The following UBASH3B variants were observed in gnomAD, a reference collection of about 807,000 sequenced individuals.
UBASH3B encodes ubiquitin associated and SH3 domain containing B, also known as ubiquitin-associated and SH3 domain-containing protein B.
A neutral mutation model predicts 83.4 loss-of-function variants in UBASH3B; 37 were observed. The observed-to-expected ratio is 0.44, with a 90% CI of 0.34 to 0.58. The LOEUF (loss-of-function observed/expected upper bound fraction) is 0.58. UBASH3B is among the 20% of genes least tolerant of loss of function. UBASH3B has a pLI of 0.01. For missense variants in UBASH3B, 657 were observed against 827.2 expected (o/e 0.79, Z 2.52); for synonymous variants, 304 against 318.3 (o/e 0.96, Z 0.48).
Position 122,806,410 on chromosome 11 carries a change from A to G in UBASH3B, c.1596A>G (p.Arg532=), listed in dbSNP as rs745990280. The G allele has an allele frequency of 6.3e-7, 1 of 1,599,956 alleles. No homozygotes were observed. The highest frequency in any genetic ancestry group is 1.8e-5 in the Admixed American group (1 of 56,286). The part of the protein sequence containing the change: ...AANLSVDTTY[R]PHIPISKLVV... The stretch of plus-strand genomic sequence containing the variant: ...TCCTTTGTTCATTTTTCTATTACAG[A>G]CCTCACATTCCAATCAGCAAATTAG... The change falls in exon 12 of 14, where the codon AGA becomes AGG. Residue 532 remains arginine, a splice_region_variant and synonymous_variant. Coordinates refer to ENST00000284273, the MANE Select transcript of UBASH3B (RefSeq NM_032873.5). This position sits in a 1 kb window ranked among gnomAD's most constrained non-coding sequence, Gnocchi z 4.0.
intron 1 of UBASH3B, among the ~76,000 whole-genome samples, chr11:122,724,515 T>C (rs1372783348): frequency 6.6e-6 from 1 of 152,142 alleles, no homozygotes; most frequent in Non-Finnish European, 1.5e-5. Context: ...AAGTTGCTGT[T>C]GACATAGGGA....
In UBASH3B at chr11:122,759,580, A is replaced by G. The variant is rs1444954761; in HGVS notation, c.162-16639A>G. On this transcript the variant is annotated intron_variant, in intron 1 of 13. Coordinates refer to ENST00000284273, the MANE Select transcript of UBASH3B (RefSeq NM_032873.5). This position sits in a 1 kb window ranked among gnomAD's most constrained non-coding sequence, Gnocchi z 4.1. Reference sequence around the variant, plus strand: ...ACTAGGTGGGACCGTCTAGTTGGAGACCCCTGACTTAGTTGGGACCATCTG... The same window carrying G: ...ACTAGGTGGGACCGTCTAGTTGGAGGCCCCTGACTTAGTTGGGACCATCTG... 6.6e-6 allele frequency among the ~76,000 whole-genome samples: 1 copy of G among 152,152 alleles called. No homozygotes were observed. Among genetic ancestry groups the G allele is most frequent in the African/African-American group, 2.4e-5 (1 of 41,434 alleles).
Position 122,764,191 on chromosome 11 carries a change from C to T in UBASH3B, c.162-12028C>T, listed in dbSNP as rs539728276. Reference sequence around the variant, plus strand: ...TAATATCCATGAGAAGAGGAAAAATCCTTCAAAAGTCATGGATGGTCTAAA... The same window carrying T: ...TAATATCCATGAGAAGAGGAAAAATTCTTCAAAAGTCATGGATGGTCTAAA... On this transcript the variant is annotated intron_variant, in intron 1 of 13. Coordinates refer to ENST00000284273, the MANE Select transcript of UBASH3B (RefSeq NM_032873.5). Among the ~76,000 whole-genome samples, 30 of 152,288 alleles carry T rather than the reference C, an allele frequency of 2.0e-4. No individual in the cohort carries two copies. The South Asian group carries it at 6.2e-3, about 32-fold the overall frequency.
rs1861350117 is a variant in UBASH3B at position 122,806,865 on chromosome 11, C to T, written c.1702+349C>T. Among the ~76,000 whole-genome samples, 3 of 152,192 alleles carry T rather than the reference C, an allele frequency of 2.0e-5. No homozygotes were observed. The highest frequency in any genetic ancestry group is 4.1e-4 in the South Asian group (2 of 4,834). On this transcript the variant is annotated intron_variant, in intron 12 of 13. Transcript: ENST00000284273. This position sits in a 1 kb window ranked among gnomAD's most constrained non-coding sequence, Gnocchi z 4.0. ...ATGCAGCGGCATGCACACCTACACA[C>T]AGCACACCTACACAAACACATACAC...
chr11:122,766,458 T>C (rs1237984174), intron 1 of UBASH3B, among the ~76,000 whole-genome samples: 1 of 152,156 alleles, frequency 6.6e-6, no homozygotes, highest in Non-Finnish European at 1.5e-5. Context: ...GGCAGGAGAA[T>C]GGCGTGAACC....
At chr11:122,657,073 G>C (rs992305415) in intron 1 of UBASH3B, among the ~76,000 whole-genome samples, 4 of 152,190 alleles carry the variant, frequency 2.6e-5, no homozygotes, top group Non-Finnish European at 2.9e-5. Context: ...AGGAAGCCAA[G>C]GCCCAGCGGC....
intron 1 of UBASH3B, among the ~76,000 whole-genome samples, chr11:122,706,807 A>T (rs545329208): frequency 6.6e-6 from 1 of 152,224 alleles, no homozygotes; most frequent in Admixed American, 6.5e-5. Context: ...GTAGATTAAC[A>T]TGTTTATATG....
At chr11:122,722,229 C>T (rs1156312165) in intron 1 of UBASH3B, among the ~76,000 whole-genome samples, 1 of 152,210 alleles carries the variant, frequency 6.6e-6, no homozygotes, top group Non-Finnish European at 1.5e-5. Flanking sequence ...GGACCTAGAG[C>T]TCCGCCCTCA....
At chr11:122,704,354 G>T (rs1214473183) in intron 1 of UBASH3B, among the ~76,000 whole-genome samples, 2 of 152,144 alleles carry the variant, frequency 1.3e-5, no homozygotes. Flanking sequence ...AGGCTACGCG[G>T]GTCAGCCGTG....
intron 1 of UBASH3B, among the ~76,000 whole-genome samples, chr11:122,690,067 A>C (rs2135917975): frequency 6.6e-6 from 1 of 150,878 alleles, no homozygotes; most frequent in African/African-American, 2.4e-5. Context: ...CTTCTGACCC[A>C]CAGTCAGAGG....
chr11:122,675,353 G>T (rs1863653906), intron 1 of UBASH3B, among the ~76,000 whole-genome samples: 1 of 152,228 alleles, frequency 6.6e-6, no homozygotes, highest in African/African-American at 2.4e-5. Flanking sequence ...TGTTGGTTCT[G>T]TTCCTCCGTG....
At chr11:122,708,414 C>A (rs1362725544) in intron 1 of UBASH3B, among the ~76,000 whole-genome samples, 1 of 151,576 alleles carries the variant, frequency 6.6e-6, no homozygotes, top group Non-Finnish European at 1.5e-5. Flanking sequence ...GCCTCAGCCT[C>A]CCGAGTAGCT....
chr11:122,806,156 C>T lies in UBASH3B; in HGVS notation c.1596-254C>T, dbSNP rs770676705. 6.6e-6 allele frequency among the ~76,000 whole-genome samples: 1 copy of T among 152,182 alleles called. No homozygotes were observed. Among genetic ancestry groups the T allele is most frequent in the Non-Finnish European group, 1.5e-5 (1 of 68,034 alleles). On this transcript the variant is annotated intron_variant, in intron 11 of 13. Transcript: ENST00000284273. This position sits in a 1 kb window ranked among gnomAD's most constrained non-coding sequence, Gnocchi z 4.0. ...CTTATTTGTTATCCCGAGAGTGAAA[C>T]ATGCACTGAATGTCTCATTTTTCAC...
In UBASH3B at chr11:122,808,070, A is replaced by G. The variant is rs35343548; in HGVS notation, c.1706A>G (p.Asn569Ser). ...EIISECKSKG[N>S]NILIVAHASS... ...ATACCTTGCCATTTTCCCCCAGGAA[A>G]TAACATCCTGATTGTGGCCCACGCA... is the stretch of plus-strand genomic sequence containing the variant. The change falls in exon 13 of 14, where the codon AAT becomes AGT. Residue 569 changes from asparagine (N) to serine (S), a missense_variant. Coordinates refer to ENST00000284273, the MANE Select transcript of UBASH3B (RefSeq NM_032873.5). 8.5e-4 allele frequency: 1,373 copies of G among 1,613,522 alleles called. 11 individuals are homozygous for G. The African/African-American group carries it at 0.017, about 20-fold the overall frequency.
At chr11:122,692,380 T>C (rs1031519820) in intron 1 of UBASH3B, among the ~76,000 whole-genome samples, 2 of 152,244 alleles carry the variant, frequency 1.3e-5, no homozygotes, top group African/African-American at 4.8e-5. Flanking sequence ...ATCTATTGAT[T>C]ACTCACTGTA....
chr11:122,764,129 T>C (rs1860493180), intron 1 of UBASH3B, among the ~76,000 whole-genome samples: 1 of 152,220 alleles, frequency 6.6e-6, no homozygotes, highest in South Asian at 2.1e-4. Context: ...GCAAGGGCCA[T>C]TAGGCAACCA....
At chr11:122,706,576 T>C (rs1864122735) in intron 1 of UBASH3B, among the ~76,000 whole-genome samples, 1 of 152,092 alleles carries the variant, frequency 6.6e-6, no homozygotes, top group Admixed American at 6.6e-5. Context: ...TCTGAGGGTG[T>C]CTGTGGAAGG....
At position 122,674,755 on chromosome 11, in the gene UBASH3B, G is replaced by T. The variant is rs151031892; in HGVS notation, c.161+18545G>T. On this transcript the variant is annotated intron_variant, in intron 1 of 13. Coordinates refer to ENST00000284273, the MANE Select transcript of UBASH3B (RefSeq NM_032873.5). ...TTTTTTTTTTTTTTTTTGAGGCGGA[G>T]TCTCGCTCTGAGGCCCAGGCTGGAG... 7.4e-4 allele frequency among the ~76,000 whole-genome samples: 105 copies of T among 140,968 alleles called. 1 individual carries two copies. Among genetic ancestry groups the T allele is most frequent in the African/African-American group, 2.5e-3 (96 of 37,744 alleles). 92.5% of individuals were successfully genotyped at this position (140,968 alleles called of 152,430 possible).
chr11:122,695,034 G>T (rs779394639), intron 1 of UBASH3B, among the ~76,000 whole-genome samples: 1 of 118,194 alleles, frequency 8.5e-6, no homozygotes, highest in Non-Finnish European at 1.6e-5. Context: ...CACGATTTCA[G>T]CTCACCACCA....
Sources: gnomAD v4.1 joint callset for allele counts (sites outside exome capture counted in the v4.1 genomes callset) on GRCh38, gnomAD v4.1.1 for gene constraint, Gnocchi (gnomAD v3.1) non-coding constraint, MANE v1.5 for transcripts, NCBI Gene and HGNC (gene_info 2026-07-23, HGNC 2026-07-21) for gene names.